TACR1: variants seen among roughly 807,000 people sequenced by gnomAD.
The protein encoded by TACR1 is substance-P receptor.
Under a neutral mutation model 35.8 loss-of-function variants are expected in TACR1, and 25 were observed. The observed-to-expected ratio is 0.70, with a 90% CI of 0.51 to 0.98. The LOEUF (loss-of-function observed/expected upper bound fraction) is 0.98, where lower values mean the gene tolerates loss of function less well. Among genes scored for constraint, TACR1 ranks in the 50% least tolerant of loss-of-function variants. The pLI is 0.00. For synonymous variants in TACR1, 195 were observed against 206.7 expected (o/e 0.94, Z 0.48); for missense variants, 478 against 522.9 (o/e 0.91, Z 0.84).
intron 2 of TACR1, among the ~76,000 whole-genome samples, chr2:75,060,404 G>T (rs548506776): frequency 6.6e-6 from 1 of 152,312 alleles, no homozygotes; most frequent in African/African-American, 2.4e-5. Context: ...AGGAGGAATT[G>T]CATGGCTAAG....
intron 2 of TACR1, among the ~76,000 whole-genome samples, chr2:75,118,434 CA>C (rs1302610925): frequency 6.6e-6 from 1 of 152,120 alleles, no homozygotes; most frequent in Non-Finnish European, 1.5e-5. Context: ...AAATAAACAA[CA>C]ATGGCAAACA....
At chr2:75,130,814 C>G (rs1301962018) in intron 1 of TACR1, among the ~76,000 whole-genome samples, 3 of 152,208 alleles carry the variant, frequency 2.0e-5, no homozygotes, top group Admixed American at 6.5e-5. Flanking sequence ...TGCTCAAAGA[C>G]AATTATTTAA....
intron 2 of TACR1, among the ~76,000 whole-genome samples, chr2:75,079,544 G>T (rs1673042157): frequency 6.6e-6 from 1 of 152,034 alleles, no homozygotes; most frequent in African/African-American, 2.4e-5. Flanking sequence ...CTACACCAGT[G>T]GTACCCAGTG....
At chr2:75,184,643 C>A (rs1675644247) in intron 1 of TACR1, among the ~76,000 whole-genome samples, 1 of 150,720 alleles carries the variant, frequency 6.6e-6, no homozygotes, top group South Asian at 2.1e-4. Flanking sequence ...AATAATAATC[C>A]ATTAGAAAAA....
At chr2:75,051,126 GCTGCAGTCCCCA>G (rs2103778732) in intron 4 of TACR1, 113 bp downstream of exon 4, 3 of 1,211,560 alleles carry the variant, frequency 2.5e-6, no homozygotes, top group Non-Finnish European at 1.2e-6. Flanking sequence ...TGATAAGTTA[GCTGCAGTCCCCA>G]CTTGTCCCTC....
intron 1 of TACR1, among the ~76,000 whole-genome samples, chr2:75,196,119 A>C (rs1434802768): frequency 6.6e-6 from 1 of 152,198 alleles, no homozygotes; most frequent in Non-Finnish European, 1.5e-5. Context: ...ACTTGATTCA[A>C]AGGTTGTCTG....
At chr2:75,104,551 T>C (rs1169018267) in intron 2 of TACR1, among the ~76,000 whole-genome samples, 2 of 152,070 alleles carry the variant, frequency 1.3e-5, no homozygotes, top group African/African-American at 2.4e-5. Flanking sequence ...GACAGACATA[T>C]ATGGCACATT....
At chr2:75,096,376 A>G (rs1033062503) in intron 2 of TACR1, among the ~76,000 whole-genome samples, 1 of 152,200 alleles carries the variant, frequency 6.6e-6, no homozygotes, top group African/African-American at 2.4e-5. Context: ...CAGTTTGAAA[A>G]TGCCCTGGTA....
At chr2:75,152,144 G>A (rs1249802557) in intron 1 of TACR1, among the ~76,000 whole-genome samples, 4 of 152,160 alleles carry the variant, frequency 2.6e-5, no homozygotes, top group Admixed American at 2.6e-4. Context: ...GTGGGTTAAT[G>A]GGTTAATGAT....
intron 1 of TACR1, among the ~76,000 whole-genome samples, chr2:75,139,033 G>A (rs911995738): frequency 6.6e-6 from 1 of 152,094 alleles, no homozygotes; most frequent in Admixed American, 6.5e-5. Context: ...AATACATAAA[G>A]GATGGATGGA....
chr2:75,122,273 T>G (rs561334363), intron 1 of TACR1, among the ~76,000 whole-genome samples: 2 of 152,212 alleles, frequency 1.3e-5, no homozygotes, highest in South Asian at 4.1e-4. Flanking sequence ...TTGGGGTGAG[T>G]CTGCTGAGCA....
intron 2 of TACR1, among the ~76,000 whole-genome samples, chr2:75,063,664 G>A (rs1672709775): frequency 6.6e-6 from 1 of 152,028 alleles, no homozygotes; most frequent in Non-Finnish European, 1.5e-5. Flanking sequence ...CTCCTTACTG[G>A]TGTCAGCTCT....
intron 2 of TACR1, among the ~76,000 whole-genome samples, chr2:75,066,721 G>C (rs1672769362): frequency 6.6e-6 from 1 of 152,184 alleles, no homozygotes; most frequent in African/African-American, 2.4e-5. Flanking sequence ...TCCCAGCATA[G>C]ACAATAGACC....
intron 4 of TACR1, among the ~76,000 whole-genome samples, chr2:75,050,497 A>G (rs544675363): frequency 5.3e-4 from 80 of 152,270 alleles, no homozygotes; most frequent in African/African-American, 1.9e-3. Context: ...TCTGGATGAC[A>G]GACTGTGCTG....
chr2:75,100,603 C>T (rs1673517953), intron 2 of TACR1, among the ~76,000 whole-genome samples: 1 of 152,210 alleles, frequency 6.6e-6, no homozygotes, highest in Admixed American at 6.5e-5. Context: ...ACTGTATCCA[C>T]ATGCTTGCTT....
chr2:75,073,884 A>G (rs138549489), intron 2 of TACR1, among the ~76,000 whole-genome samples: 1 of 152,272 alleles, frequency 6.6e-6, no homozygotes, highest in Non-Finnish European at 1.5e-5. Context: ...TTTACAGAAT[A>G]TGTTCTCCTC....
At chr2:75,182,090 A>G (rs1198045059) in intron 1 of TACR1, among the ~76,000 whole-genome samples, 1 of 152,236 alleles carries the variant, frequency 6.6e-6, no homozygotes, top group East Asian at 1.9e-4. Context: ...GCTAAGGATT[A>G]GACAGGGCTT....
chr2:75,053,653 G>A lies in TACR1; in HGVS notation c.687C>T (p.Pro229=), dbSNP rs200280342. The A allele has an allele frequency of 8.7e-6, 14 of 1,602,440 alleles. No homozygotes were observed. The African/African-American group carries it at 9.4e-5, about 11-fold the overall frequency. Reference sequence around the variant, plus strand: ...CGTGGTAGCGGTCAGAGGAGTCCCCGGGGATCTCACTGGCCCATAGTGTGA... The same window carrying A: ...CGTGGTAGCGGTCAGAGGAGTCCCCAGGGATCTCACTGGCCCATAGTGTGA... ...VGITLWASEI[P]GDSSDRYHEQ... The change falls in exon 3 of 5, where the codon CCC becomes CCT. Residue 229 remains proline (P), a synonymous_variant. Transcript: ENST00000305249.
chr2:75,128,228 G>C (rs1385605189), intron 1 of TACR1, among the ~76,000 whole-genome samples: 1 of 152,228 alleles, frequency 6.6e-6, no homozygotes, highest in African/African-American at 2.4e-5. Context: ...TAAAAGACAA[G>C]CTTACAAAGG....
Sources: allele counts gnomAD v4.1 joint callset (sites outside exome capture counted in the v4.1 genomes callset), GRCh38; gene constraint gnomAD v4.1.1; transcripts MANE v1.5; gene names NCBI Gene and HGNC (gene_info 2026-07-23, HGNC 2026-07-21).